Variants in PFKFB3 observed in about 807,000 individuals in gnomAD.
PFKFB3 encodes 6-phosphofructo-2-kinase/fructose-2,6-biphosphatase 3, also known as 6-phosphofructo-2-kinase/fructose-2,6-bisphosphatase 3.
Under a neutral mutation model 68.0 loss-of-function variants are expected in PFKFB3, and 33 were observed. That is an observed-to-expected ratio of 0.49 (90% CI 0.37 to 0.65). The LOEUF (loss-of-function observed/expected upper bound fraction) is 0.65. Ranked by LOEUF, PFKFB3 falls within the 30% of genes least tolerant of loss-of-function variation. The pLI is 0.00. For synonymous variants in PFKFB3, 315 were observed against 288.2 expected, an observed-to-expected ratio of 1.09 and a Z score of -0.94; for missense variants, 586 against 712.2, an observed-to-expected ratio of 0.82 and a Z score of 2.02.
At chr10:6,232,008 T>C (rs1845780748) in intron 14 of PFKFB3, among the ~76,000 whole-genome samples, 1 of 152,234 alleles carries the variant, frequency 6.6e-6, no homozygotes, top group African/African-American at 2.4e-5. Flanking sequence ...GCTCCAGCCT[T>C]GGACCCCCAG....
chr10:6,160,951 T>C (rs1040898322), intron 1 of PFKFB3, among the ~76,000 whole-genome samples: 1 of 152,136 alleles, frequency 6.6e-6, no homozygotes, highest in Non-Finnish European at 1.5e-5. Flanking sequence ...TTTTATTTTT[T>C]TGAGATAGAG....
chr10:6,266,405 A>G, the PFKFB3 span, among the ~76,000 whole-genome samples: 7 of 152,224 alleles, frequency 4.6e-5, no homozygotes, highest in African/African-American at 1.4e-4. Flanking sequence ...ACAATACTCC[A>G]GGCTCATCTT....
intron 9 of PFKFB3, 27 bp from the exon 10 acceptor site, chr10:6,221,614 C>T (rs779094214): frequency 2.5e-6 from 4 of 1,609,054 alleles, no homozygotes; most frequent in African/African-American, 1.3e-5. Flanking sequence ...TGGTTTGTTC[C>T]CCTGAGTGAC....
intron 1 of PFKFB3, among the ~76,000 whole-genome samples, chr10:6,156,587 A>T (rs1239790105): frequency 6.6e-6 from 1 of 151,914 alleles, no homozygotes; most frequent in Non-Finnish European, 1.5e-5. Flanking sequence ...GGCTCACTGC[A>T]ACCTCTGCCT....
Position 6,154,326 on chromosome 10 carries a change from AC to A in PFKFB3, c.16+9315del, listed in dbSNP as rs760603974. The stretch of plus-strand genomic sequence containing the variant: ...AGTGGCGCGTTCTCGGCTCACTGCA[AC>A]CTCTGCCTCTCGAGTTCAAGCGATC... On this transcript the variant is annotated intron_variant, in intron 1 of 14. Transcript: ENST00000379789. The surrounding 1 kb of genome is among the most constrained non-coding windows in gnomAD (Gnocchi z 4.6). Among the ~76,000 whole-genome samples, 3 of 151,576 alleles carry A rather than the reference AC, an allele frequency of 2.0e-5. No individual in the cohort carries two copies. The highest frequency in any genetic ancestry group is 7.3e-5 in the African/African-American group (3 of 41,220).
intron 1 of PFKFB3, among the ~76,000 whole-genome samples, chr10:6,187,788 T>C (rs759092771): frequency 7.9e-5 from 12 of 152,248 alleles, no homozygotes; most frequent in Non-Finnish European, 1.5e-4. Flanking sequence ...TTAGCATTTA[T>C]ACTTCTCATG....
the PFKFB3 span, among the ~76,000 whole-genome samples, chr10:6,308,696 A>G: frequency 6.6e-6 from 1 of 152,152 alleles, no homozygotes; most frequent in African/African-American, 2.4e-5. Flanking sequence ...TAAACTTCCT[A>G]TTTATTATAC....
the PFKFB3 span, among the ~76,000 whole-genome samples, chr10:6,292,727 C>A: frequency 1.3e-5 from 2 of 151,704 alleles, no homozygotes; most frequent in African/African-American, 4.8e-5. Context: ...ACTAAAGTAA[C>A]ATGAACAGCA....
At chr10:6,274,092 T>C in the PFKFB3 span, among the ~76,000 whole-genome samples, 3 of 151,768 alleles carry the variant, frequency 2.0e-5, no homozygotes, top group African/African-American at 7.3e-5. Flanking sequence ...TCCCAGTTAG[T>C]TGGAAGGCTG....
chr10:6,235,318 G>T lies in PFKFB3; in HGVS notation c.*2376G>T, dbSNP rs1845971832. 1 of 152,456 alleles carries T rather than the reference G, an allele frequency of 6.6e-6. No homozygotes were observed. The highest frequency in any genetic ancestry group is 1.5e-5 in the Non-Finnish European group (1 of 68,012). The allele number at this position is 152,456 out of a possible 1,614,324, so 9.4% of individuals were successfully genotyped here. On this transcript the variant is annotated 3_prime_UTR_variant, in exon 15 of 15. Coordinates refer to ENST00000379775, the MANE Select transcript of PFKFB3 (RefSeq NM_004566.4). Reference sequence around the variant, plus strand: ...TATTTATTTATTTAATATGTATAAGGAGCCTAAACAATAGAAAGCTGTAGA... The same window carrying T: ...TATTTATTTATTTAATATGTATAAGTAGCCTAAACAATAGAAAGCTGTAGA...
Position 6,229,291 on chromosome 10 carries a change from G to A in PFKFB3, c.1515+2926G>A, listed in dbSNP as rs1451240675. On this transcript the variant is annotated intron_variant, in intron 14 of 14. Coordinates refer to ENST00000379775, the MANE Select transcript of PFKFB3 (RefSeq NM_004566.4). This position sits in a 1 kb window ranked among gnomAD's most constrained non-coding sequence, Gnocchi z 4.3. Reference sequence around the variant, plus strand: ...ACCACCCTGGGAGGTCGGCAGGGCAGTCAGTCCCCCGTTTAATGGTTGAGG... The same window carrying A: ...ACCACCCTGGGAGGTCGGCAGGGCAATCAGTCCCCCGTTTAATGGTTGAGG... 2 of 415,880 alleles carry A rather than the reference G, an allele frequency of 4.8e-6. No individual in the cohort carries two copies. Among genetic ancestry groups the A allele is most frequent in the African/African-American group, 2.1e-5 (1 of 48,714 alleles). 25.8% of individuals were successfully genotyped at this position (415,880 alleles called of 1,614,324 possible).
chr10:6,269,860 G>T, the PFKFB3 span, among the ~76,000 whole-genome samples: 1 of 152,236 alleles, frequency 6.6e-6, no homozygotes, highest in Non-Finnish European at 1.5e-5. Flanking sequence ...GCCAGGTGTG[G>T]TGGCTCACGC....
chr10:6,322,939 G>A, the PFKFB3 span, among the ~76,000 whole-genome samples: 2 of 152,064 alleles, frequency 1.3e-5, no homozygotes, highest in African/African-American at 4.8e-5. Context: ...AAGTTCCATG[G>A]GGACAGACCC....
chr10:6,207,256 C>T (rs866635893), intron 1 of PFKFB3, among the ~76,000 whole-genome samples: 12 of 151,886 alleles, frequency 7.9e-5, no homozygotes, highest in Admixed American at 2.0e-4. Flanking sequence ...GCCAACACAG[C>T]GAAACCCCGT....
chr10:6,216,774 C>T lies in PFKFB3; in HGVS notation c.435C>T (p.Asp145=), dbSNP rs1844613915. The change falls in exon 5 of 15, where the codon GAC becomes GAT. Residue 145 remains aspartate (D), a synonymous_variant. Transcript: ENST00000379775. Reference sequence around the variant, plus strand: ...TCCTTCATTTTGCCAAAGAAAATGACTTTAAGGTGAGCTGAGCGTCTTGTG... The same window carrying T: ...TCCTTCATTTTGCCAAAGAAAATGATTTTAAGGTGAGCTGAGCGTCTTGTG... ...HMILHFAKEN[D]FKAFFIESVC... is the part of the protein sequence containing the mutation. 1 of 1,611,018 alleles carries T rather than the reference C, an allele frequency of 6.2e-7. No individual in the cohort carries two copies. Among genetic ancestry groups the T allele is most frequent in the Non-Finnish European group, 8.5e-7 (1 of 1,177,148 alleles).
intron 1 of PFKFB3, among the ~76,000 whole-genome samples, chr10:6,147,981 G>A (rs941476103): frequency 6.6e-6 from 1 of 152,242 alleles, no homozygotes; most frequent in South Asian, 2.1e-4. Context: ...ACTTATGGGA[G>A]GAACTAGTGG....
At chr10:6,202,879 G>A (rs913291129), upstream of PFKFB3, 1 of 1,058,358 alleles carries the variant, frequency 9.4e-7, no homozygotes, top group African/African-American at 1.7e-5. Flanking sequence ...GCTGACGTAC[G>A]CGTCTGCGGC....
At position 6,219,327 on chromosome 10, in the gene PFKFB3, G is replaced by A. The variant is rs959296084; in HGVS notation, c.499-242G>A. Among the ~76,000 whole-genome samples the A allele has an allele frequency of 2.0e-5, 3 of 152,230 alleles. No individual in the cohort carries two copies. The South Asian group carries it at 6.2e-4, about 31-fold the overall frequency. On this transcript the variant is annotated intron_variant, in intron 6 of 14. Coordinates refer to ENST00000379775, the MANE Select transcript of PFKFB3 (RefSeq NM_004566.4). ...CAGAGGTGTTCATTATGGAATCCCT[G>A]TGGGTTTCCTGTCTCTGTCCTTCCG... is the stretch of plus-strand genomic sequence containing the variant.
chr10:6,243,313 C>T (rs1029193035), intron 14 of PFKFB3, among the ~76,000 whole-genome samples: 1 of 152,192 alleles, frequency 6.6e-6, no homozygotes, highest in Non-Finnish European at 1.5e-5. Context: ...TTTGTCAGTT[C>T]TGAGATTTGA....
Sources: gnomAD v4.1 joint callset for allele counts (sites outside exome capture counted in the v4.1 genomes callset) on GRCh38, gnomAD v4.1.1 for gene constraint, Gnocchi (gnomAD v3.1) non-coding constraint, MANE v1.5 for transcripts, NCBI Gene and HGNC (gene_info 2026-07-23, HGNC 2026-07-21) for gene names.